EPC1: variants seen among roughly 807,000 people sequenced by gnomAD.
EPC1 encodes enhancer of polycomb 1.
In EPC1, 12 loss-of-function variants were observed where a neutral mutation model predicts 98.4. The observed-to-expected ratio is 0.12, with a 90% CI of 0.08 to 0.20. EPC1 has a LOEUF of 0.20. Among genes scored for constraint, EPC1 ranks in the 10% least tolerant of loss-of-function variants. The pLI is 1.00. For missense variants in EPC1, 729 were observed against 990.5 expected, an observed-to-expected ratio of 0.74 and a Z score of 3.54; for synonymous variants, 357 against 363.9, an observed-to-expected ratio of 0.98 and a Z score of 0.21.
At chr10:32,325,489 G>A (rs1207084900) in intron 1 of EPC1, among the ~76,000 whole-genome samples, 2 of 152,152 alleles carry the variant, frequency 1.3e-5, no homozygotes, top group Non-Finnish European at 2.9e-5. Flanking sequence ...GTTGCAAAAC[G>A]TGACATAAAA....
chr10:32,269,207 AC>A, intron 13 of EPC1, 72 bp from the exon 14 acceptor site: 1 of 1,331,652 alleles, frequency 7.5e-7, no homozygotes, highest in Non-Finnish European at 1.1e-6. Context: ...TATCTTCCCA[AC>A]AAAAAGTTTA....
chr10:32,275,182 TTTAA>T (rs1836017829), intron 10 of EPC1, among the ~76,000 whole-genome samples: 1 of 152,282 alleles, frequency 6.6e-6, no homozygotes, highest in Non-Finnish European at 1.5e-5. Flanking sequence ...GGCGTGTGTG[TTTAA>T]TTAAACATTT....
chr10:32,276,020 T>A (rs1209413240), intron 10 of EPC1, among the ~76,000 whole-genome samples: 1 of 152,164 alleles, frequency 6.6e-6, no homozygotes, highest in Non-Finnish European at 1.5e-5. Context: ...CAGAGTCTAG[T>A]TATGAAATTT....
At chr10:32,340,204 C>T (rs1838250331) in intron 1 of EPC1, among the ~76,000 whole-genome samples, 1 of 152,172 alleles carries the variant, frequency 6.6e-6, no homozygotes, top group African/African-American at 2.4e-5. Flanking sequence ...AAGATAACCT[C>T]CATTACAACA....
upstream of EPC1, among the ~76,000 whole-genome samples, chr10:32,350,827 A>G (rs1049490239): frequency 6.6e-6 from 1 of 152,212 alleles, no homozygotes; most frequent in African/African-American, 2.4e-5. Context: ...ATACAGCTCT[A>G]AATAGTAGTT....
intron 1 of EPC1, among the ~76,000 whole-genome samples, chr10:32,372,840 G>A (rs1399196223): frequency 6.6e-6 from 1 of 152,138 alleles, no homozygotes; most frequent in African/African-American, 2.4e-5. Context: ...GGCCAACATG[G>A]CAAAATCCCA....
chr10:32,294,776 C>T (rs1835050005), intron 2 of EPC1, among the ~76,000 whole-genome samples: 1 of 152,140 alleles, frequency 6.6e-6, no homozygotes, highest in Admixed American at 6.6e-5. Flanking sequence ...CTTTCCCTTA[C>T]TTAATTCCTT....
At chr10:32,292,403 G>A in intron 5 of EPC1, 93 bp downstream of exon 5, 1 of 897,166 alleles carries the variant, frequency 1.1e-6, no homozygotes, top group Non-Finnish European at 1.6e-6. Context: ...AGATATTTCT[G>A]TAATTAGATT....
intron 1 of EPC1, among the ~76,000 whole-genome samples, chr10:32,363,761 ACT>A (rs1839511604): frequency 6.6e-6 from 1 of 151,520 alleles, no homozygotes; most frequent in Admixed American, 6.6e-5. Flanking sequence ...TCTTAACAGA[ACT>A]CTTTTTGCCT....
chr10:32,273,230 T>C lies in EPC1; in HGVS notation c.1796A>G (p.Gln599Arg). ...CTGAATTTGTGCAAGCTGCTGTTTC[T>C]GCATGAGTGCCAGTTGCTGTTGATG... ...QQHQQQLALM[Q>R]KQQLAQIQQQ... Residue 599 changes from glutamine to arginine, a missense_variant, in exon 11 of 14, where the codon CAG becomes CGG. Physicochemically the swap from Gln to Arg is conservative, Grantham distance 43. Transcript: ENST00000319778. The C allele has an allele frequency of 1.2e-6, 2 of 1,614,004 alleles. No individual in the cohort carries two copies. Among genetic ancestry groups the C allele is most frequent in the Non-Finnish European group, 1.7e-6 (2 of 1,179,848 alleles).
At chr10:32,297,802 AT>A (rs2132765180) in intron 2 of EPC1, among the ~76,000 whole-genome samples, 1 of 151,264 alleles carries the variant, frequency 6.6e-6, no homozygotes, top group Admixed American at 6.6e-5. Flanking sequence ...GATTATTATT[AT>A]TATTATTATT....
rs143299306 is a variant in EPC1 at position 32,286,713 on chromosome 10, G to A, written c.1372C>T (p.Arg458Trp). The change falls in exon 9 of 14, where the codon CGG becomes TGG. Residue 458 changes from arginine to tryptophan, a missense_variant. Around this residue, in one of 6 missense-constraint regions of EPC1, gnomAD observed 390 missense variants for 438.6 expected, o/e 0.89. Transcript: ENST00000319778. The part of the protein sequence containing the change: ...PQRCIGFARR[R>W]VGRGGRVLLD... Reference sequence around the variant, plus strand: ...CCTTACCTTCCACCGCGCCCAACCCGTCTTCGTGCAAATCCAATACACCTT... The same window carrying A: ...CCTTACCTTCCACCGCGCCCAACCCATCTTCGTGCAAATCCAATACACCTT... 3 of 1,613,982 alleles carry A rather than the reference G, an allele frequency of 1.9e-6. No individual in the cohort carries two copies. Among genetic ancestry groups the A allele is most frequent in the Non-Finnish European group, 1.7e-6 (2 of 1,179,998 alleles).
intron 13 of EPC1, among the ~76,000 whole-genome samples, chr10:32,271,025 A>G (rs1399612188): frequency 6.7e-6 from 1 of 149,716 alleles, no homozygotes; most frequent in Non-Finnish European, 1.5e-5. Context: ...GACAGAGTTT[A>G]GCTCTTGTTG....
At chr10:32,289,903 C>A (rs528028423) in intron 6 of EPC1, among the ~76,000 whole-genome samples, 37 of 152,246 alleles carry the variant, frequency 2.4e-4, no homozygotes, top group Admixed American at 1.3e-3. Context: ...GGATTACAGG[C>A]ATGAACCACC....
chr10:32,323,537 G>A (rs1033848125), intron 1 of EPC1, among the ~76,000 whole-genome samples: 24 of 152,192 alleles, frequency 1.6e-4, no homozygotes, highest in Non-Finnish European at 2.9e-4. Flanking sequence ...TATCAAATAG[G>A]AAGGTATCTA....
At chr10:32,331,153 T>C (rs572172725) in intron 1 of EPC1, among the ~76,000 whole-genome samples, 1 of 152,212 alleles carries the variant, frequency 6.6e-6, no homozygotes, top group Non-Finnish European at 1.5e-5. Flanking sequence ...TATAGAAGTC[T>C]CATATTTAGT....
intron 1 of EPC1, among the ~76,000 whole-genome samples, chr10:32,356,913 G>A (rs1272676926): frequency 6.6e-6 from 1 of 152,118 alleles, no homozygotes; most frequent in Admixed American, 6.5e-5. Context: ...CCCGGGAGGC[G>A]GAGCTTGCAG....
chr10:32,271,461 A>T (rs1564516450), intron 13 of EPC1, 93 bp downstream of exon 13: 1 of 1,376,378 alleles, frequency 7.3e-7, no homozygotes, highest in Non-Finnish European at 9.9e-7. Flanking sequence ...AAGGAAAAGA[A>T]CAAGAAACAC....
chr10:32,284,522 T>C (rs974627143), intron 10 of EPC1, 176 bp downstream of exon 10: 11 of 542,692 alleles, frequency 2.0e-5, no homozygotes, highest in Admixed American at 1.0e-4. Flanking sequence ...GACACACACA[T>C]ACAAACTCCT....
Sources: allele counts gnomAD v4.1 joint callset (sites outside exome capture counted in the v4.1 genomes callset), GRCh38; gene constraint gnomAD v4.1.1; regional missense constraint gnomAD v4.1.1; transcripts MANE v1.5; gene names NCBI Gene and HGNC (gene_info 2026-07-23, HGNC 2026-07-21).